The following UNC79 variants were observed in gnomAD, a reference collection of about 807,000 sequenced individuals.
UNC79 encodes the protein unc-79 subunit of NALCN channel complex, also known as protein unc-79 homolog.
Under a neutral mutation model 283.1 loss-of-function variants are expected in UNC79, and 37 were observed. The ratio of observed to expected loss-of-function variants is 0.13; its 90% CI spans 0.10 to 0.17. The LOEUF is 0.17. Among genes scored for constraint, UNC79 ranks in the 10% least tolerant of loss-of-function variants. The pLI is 1.00. For synonymous variants in UNC79, 1,107 were observed against 1,200.2 expected, an observed-to-expected ratio of 0.92 and a Z score of 1.61; for missense variants, 2,272 against 3,211.1, an observed-to-expected ratio of 0.71 and a Z score of 7.07.
intron 1 of UNC79, among the ~76,000 whole-genome samples, chr14:93,338,395 T>C (rs944984949): frequency 6.6e-6 from 1 of 152,158 alleles, no homozygotes; most frequent in African/African-American, 2.4e-5. Flanking sequence ...CCTGCAGAAC[T>C]GTGAGCCAAT....
intron 26 of UNC79, among the ~76,000 whole-genome samples, chr14:93,608,306 G>T (rs1805067571): frequency 6.6e-6 from 1 of 152,230 alleles, no homozygotes; most frequent in African/African-American, 2.4e-5. Context: ...GAGTGAAAGT[G>T]ACAGTACGTA....
chr14:93,401,435 T>C (rs1272654840), intron 1 of UNC79, among the ~76,000 whole-genome samples: 1 of 152,218 alleles, frequency 6.6e-6, no homozygotes, highest in African/African-American at 2.4e-5. Flanking sequence ...AATATCAATT[T>C]GTACCAGAAA....
chr14:93,463,131 G>A (rs2057020427), intron 1 of UNC79, among the ~76,000 whole-genome samples: 1 of 152,156 alleles, frequency 6.6e-6, no homozygotes, highest in Non-Finnish European at 1.5e-5. Flanking sequence ...ACGTTCCAGG[G>A]GGAGGAAGAG....
chr14:93,611,641 A>G (rs2066314403), intron 26 of UNC79, among the ~76,000 whole-genome samples: 1 of 152,218 alleles, frequency 6.6e-6, no homozygotes, highest in East Asian at 1.9e-4. Context: ...GGTATAAATG[A>G]CTGCCGAACT....
In UNC79 at chr14:93,417,018, T is replaced by C. The variant is rs2055476221; in HGVS notation, c.-350-50653T>C. 2.6e-5 allele frequency among the ~76,000 whole-genome samples: 4 copies of C among 152,120 alleles called. No individual in the cohort carries two copies. The South Asian group carries it at 8.3e-4, about 31-fold the overall frequency. ...TTTTAATTGGAGCATTTAGTCCATTTACATTTAAAGTTAATATTGTTATGT... is the reference window on the plus strand; with the variant it reads ...TTTTAATTGGAGCATTTAGTCCATTCACATTTAAAGTTAATATTGTTATGT... On this transcript the variant is annotated intron_variant, in intron 1 of 49. Coordinates refer to the UNC79 transcript ENST00000256339.
chr14:93,422,441 T>C (rs1306890731), intron 1 of UNC79, among the ~76,000 whole-genome samples: 3 of 152,144 alleles, frequency 2.0e-5, no homozygotes, highest in African/African-American at 7.2e-5. Context: ...TTAAGGTCTG[T>C]GTTGATGTGA....
chr14:93,487,068 G>A (rs1008390107), intron 4 of UNC79, among the ~76,000 whole-genome samples: 1 of 152,176 alleles, frequency 6.6e-6, no homozygotes, highest in African/African-American at 2.4e-5. Flanking sequence ...TGAAGACATT[G>A]ATGATGAAGT....
At chr14:93,356,734 T>A (rs74072840) in intron 1 of UNC79, among the ~76,000 whole-genome samples, 17,473 of 152,138 alleles carry the variant, frequency 0.11, 1,110 homozygotes, top group African/African-American at 0.18. Flanking sequence ...ATTTAAAAAA[T>A]TTTTTTGCCA....
chr14:93,570,383 G>C (rs563444777), intron 14 of UNC79, among the ~76,000 whole-genome samples: 5 of 152,306 alleles, frequency 3.3e-5, no homozygotes, highest in African/African-American at 9.6e-5. Context: ...TCTGAATTTA[G>C]AGCTGTGTGC....
chr14:93,366,633 C>T (rs2054340632), intron 1 of UNC79, among the ~76,000 whole-genome samples: 1 of 150,780 alleles, frequency 6.6e-6, no homozygotes, highest in African/African-American at 2.4e-5. Flanking sequence ...AGTACAGTGG[C>T]ATGATCTTGG....
At position 93,489,762 on chromosome 14, in the gene UNC79, C is replaced by A. The variant is rs564325875; in HGVS notation, c.712+2007C>A. Among the ~76,000 whole-genome samples, 8 of 152,220 alleles carry A rather than the reference C, an allele frequency of 5.3e-5. No individual in the cohort carries two copies. In the East Asian group the frequency reaches 1.5e-3, roughly 29 times the overall value. On this transcript the variant is annotated intron_variant, in intron 5 of 48. Transcript: ENST00000555664. ...CCATGTAGGGGTTGGGCCCCCAAGA[C>A]CCTGCCCCTGTGGCTTTGCGTGGCT...
At chr14:93,704,877 G>T (rs1595164788) in intron 48 of UNC79, among the ~76,000 whole-genome samples, 1 of 152,142 alleles carries the variant, frequency 6.6e-6, no homozygotes, top group East Asian at 1.9e-4. Flanking sequence ...ACTGCTTGAG[G>T]TTGGTGAGGA....
intron 47 of UNC79, among the ~76,000 whole-genome samples, chr14:93,696,006 T>C (rs1425413337): frequency 6.6e-6 from 1 of 152,036 alleles, no homozygotes; most frequent in African/African-American, 2.4e-5. Context: ...ACTGACCTGC[T>C]TTCTGTCACT....
chr14:93,474,278 C>A lies in UNC79; in HGVS notation c.333C>A (p.Gly111=), dbSNP rs1219104216. 6.5e-7 allele frequency: 1 copy of A among 1,535,958 alleles called. No individual in the cohort carries two copies. Among genetic ancestry groups the A allele is most frequent in the Non-Finnish European group, 8.7e-7 (1 of 1,146,880 alleles). Residue 111 remains glycine (G), a synonymous_variant, in exon 3 of 49, where the codon GGC becomes GGA. Transcript: ENST00000555664. This position sits in a 1 kb window ranked among gnomAD's most constrained non-coding sequence, Gnocchi z 4.1. ...TGCGAGATGCTCCCTCAGAACGCGG[C>A]CCGCAAAGTCGTGATGCTCAGTTGT...
At chr14:93,576,783 C>T (rs1245117517) in intron 17 of UNC79, among the ~76,000 whole-genome samples, 1 of 146,592 alleles carries the variant, frequency 6.8e-6, no homozygotes, top group Non-Finnish European at 1.5e-5. Flanking sequence ...CCCAAGTGGG[C>T]AGGGAGAGGG....
At chr14:93,566,378 A>G (rs996103739) in intron 14 of UNC79, among the ~76,000 whole-genome samples, 2 of 152,156 alleles carry the variant, frequency 1.3e-5, no homozygotes, top group Middle Eastern at 3.2e-3. Flanking sequence ...TCTAAAAAGC[A>G]TTGGTAGGGA....
chr14:93,384,961 T>TTGGC (rs1449438794), intron 1 of UNC79, among the ~76,000 whole-genome samples: 1 of 152,238 alleles, frequency 6.6e-6, no homozygotes, highest in Non-Finnish European at 1.5e-5. Flanking sequence ...ATGTATGTTC[T>TTGGC]TGGCACCTTT....
intron 41 of UNC79, among the ~76,000 whole-genome samples, chr14:93,682,063 G>C (rs901749930): frequency 2.0e-5 from 3 of 152,174 alleles, no homozygotes; most frequent in Admixed American, 2.0e-4. Context: ...CTGTTACAAT[G>C]GAAGTGTGTG....
At chr14:93,586,891 C>A (rs1341452798) in exon 22 of UNC79, 2 of 1,613,814 alleles carry the variant, frequency 1.2e-6, no homozygotes, top group Non-Finnish European at 1.7e-6. Flanking sequence ...ACATTCAGGA[C>A]CACATGTTGA....
Sources: allele counts gnomAD v4.1 joint callset (sites outside exome capture counted in the v4.1 genomes callset), GRCh38; gene constraint gnomAD v4.1.1; non-coding constraint Gnocchi (gnomAD v3.1); transcripts MANE v1.5; gene names NCBI Gene and HGNC (gene_info 2026-07-23, HGNC 2026-07-21).